The following TSPAN18 variants were observed in gnomAD, a reference collection of about 807,000 sequenced individuals.
TSPAN18 encodes tetraspanin 18, also known as tetraspanin-18.
TSPAN18 carries 14 observed loss-of-function variants against 27.3 expected under a neutral mutation model. The observed-to-expected ratio is 0.51, with a 90% CI of 0.34 to 0.80. TSPAN18 has a LOEUF of 0.80. Among genes scored for constraint, TSPAN18 ranks in the 30% least tolerant of loss-of-function variants. The pLI is 0.01. For missense variants in TSPAN18, 268 were observed against 323.9 expected, an observed-to-expected ratio of 0.83 and a Z score of 1.32; for synonymous variants, 143 against 136.5, an observed-to-expected ratio of 1.05 and a Z score of -0.33.
At chr11:44,754,195 G>C (rs1240931018) in intron 1 of TSPAN18, among the ~76,000 whole-genome samples, 1 of 152,172 alleles carries the variant, frequency 6.6e-6, no homozygotes, top group African/African-American at 2.4e-5. Flanking sequence ...GACTTGAGCA[G>C]GGAAGCATTA....
chr11:44,794,161 G>A (rs1020377100), intron 2 of TSPAN18, among the ~76,000 whole-genome samples: 1 of 152,194 alleles, frequency 6.6e-6, no homozygotes, highest in Non-Finnish European at 1.5e-5. Flanking sequence ...TGGACGCTTG[G>A]CAAGAGGAAG....
rs546497910 is a variant in TSPAN18 at position 44,759,063 on chromosome 11, C to T, written c.-239-5363C>T. On this transcript the variant is annotated intron_variant, in intron 1 of 9. Transcript: ENST00000520358. ...CCCCCAAAATGGCATCTTTGCAGGG[C>T]TTCCATCAGCAGCTGTCCTTCTGCT... is the stretch of plus-strand genomic sequence containing the variant. 2.0e-5 allele frequency among the ~76,000 whole-genome samples: 3 copies of T among 152,358 alleles called. No homozygotes were observed. The East Asian group carries it at 5.8e-4, about 29-fold the overall frequency.
chr11:44,796,497 A>G (rs1482980383), intron 2 of TSPAN18, among the ~76,000 whole-genome samples: 3 of 152,160 alleles, frequency 2.0e-5, no homozygotes, highest in African/African-American at 4.8e-5. Context: ...TGGTGGAGTC[A>G]TCGTCCCTGT....
At chr11:44,823,521 AG>A (rs1856972707) in intron 2 of TSPAN18, among the ~76,000 whole-genome samples, 1 of 152,188 alleles carries the variant, frequency 6.6e-6, no homozygotes, top group African/African-American at 2.4e-5. Context: ...CACCACTCAA[AG>A]GTGGGCACAA....
chr11:44,865,973 C>T (rs919999815), intron 3 of TSPAN18, among the ~76,000 whole-genome samples: 29 of 152,378 alleles, frequency 1.9e-4, no homozygotes, highest in African/African-American at 7.0e-4. Context: ...GAGTGCCAGC[C>T]TCACAAACAA....
chr11:44,760,270 A>G (rs1167841727), intron 1 of TSPAN18, among the ~76,000 whole-genome samples: 1 of 152,224 alleles, frequency 6.6e-6, no homozygotes, highest in Non-Finnish European at 1.5e-5. Context: ...AGAGCGGGGA[A>G]CAAAGGCTGC....
At chr11:44,789,043 G>A (rs1856129037) in intron 2 of TSPAN18, among the ~76,000 whole-genome samples, 1 of 152,184 alleles carries the variant, frequency 6.6e-6, no homozygotes, top group African/African-American at 2.4e-5. Context: ...ACAGGAAAAG[G>A]AACAGCAAGG....
At chr11:44,878,304 G>A (rs1196155548) in intron 3 of TSPAN18, among the ~76,000 whole-genome samples, 1 of 152,146 alleles carries the variant, frequency 6.6e-6, no homozygotes, top group Non-Finnish European at 1.5e-5. Context: ...GAGGGGCGCC[G>A]CCCCAGGAGG....
intron 1 of TSPAN18, chr11:44,736,603 C>T (rs1854800819): frequency 6.6e-6 from 1 of 152,200 alleles, no homozygotes; most frequent in Non-Finnish European, 1.5e-5. Context: ...CAGTAGATGA[C>T]TCTCAGCTCC....
At chr11:44,911,953 C>T (rs1214514277) in intron 5 of TSPAN18, among the ~76,000 whole-genome samples, 1 of 147,764 alleles carries the variant, frequency 6.8e-6, no homozygotes, top group Non-Finnish European at 1.5e-5. Flanking sequence ...CGCCTCTCTC[C>T]CTTTGTCCCC....
chr11:44,756,955 C>T (rs1468161226), intron 1 of TSPAN18, among the ~76,000 whole-genome samples: 1 of 152,198 alleles, frequency 6.6e-6, no homozygotes, highest in African/African-American at 2.4e-5. Context: ...AGCTTTTGGT[C>T]TTTCACCATT....
intron 1 of TSPAN18, among the ~76,000 whole-genome samples, chr11:44,732,460 C>T (rs1358221554): frequency 6.6e-6 from 1 of 152,090 alleles, no homozygotes; most frequent in African/African-American, 2.4e-5. Flanking sequence ...TGTGCTAAAC[C>T]ACTGTGTTAT....
At chr11:44,793,221 G>A (rs996305001) in intron 2 of TSPAN18, among the ~76,000 whole-genome samples, 2 of 152,200 alleles carry the variant, frequency 1.3e-5, no homozygotes, top group Non-Finnish European at 2.9e-5. Flanking sequence ...CCACATTGTG[G>A]CAAGGGAGCT....
chr11:44,927,376 C>T (rs951016005), intron 9 of TSPAN18, among the ~76,000 whole-genome samples: 2 of 152,192 alleles, frequency 1.3e-5, no homozygotes, highest in African/African-American at 4.8e-5. Flanking sequence ...CTGGACAGAG[C>T]GTTGCCCACA....
At chr11:44,827,597 C>T (rs979130751) in intron 2 of TSPAN18, among the ~76,000 whole-genome samples, 61 of 152,222 alleles carry the variant, frequency 4.0e-4, no homozygotes, top group African/African-American at 1.4e-3. Context: ...AGGGACCTGG[C>T]TGGAATAAAG....
chr11:44,746,882 C>T (rs1266057633), intron 1 of TSPAN18, among the ~76,000 whole-genome samples: 3 of 152,246 alleles, frequency 2.0e-5, no homozygotes, highest in Admixed American at 6.5e-5. Flanking sequence ...GGTGCTACCC[C>T]TTGTGCCTAT....
At chr11:44,871,055 G>A (rs991359344) in intron 3 of TSPAN18, among the ~76,000 whole-genome samples, 2 of 152,172 alleles carry the variant, frequency 1.3e-5, no homozygotes, top group African/African-American at 4.8e-5. Context: ...AGAGCTTGTA[G>A]GGAAGAGTTT....
chr11:44,884,910 A>G (rs1470930531), intron 3 of TSPAN18, among the ~76,000 whole-genome samples: 1 of 152,166 alleles, frequency 6.6e-6, no homozygotes, highest in African/African-American at 2.4e-5. Flanking sequence ...CATTAGCCCA[A>G]AGTCACTCCC....
chr11:44,882,577 C>CAGAGAG (rs748710490), intron 3 of TSPAN18, among the ~76,000 whole-genome samples: 3 of 135,000 alleles, frequency 2.2e-5, no homozygotes, highest in Non-Finnish European at 4.8e-5. Context: ...AGGAAATGGT[C>CAGAGAG]AGAGAGAGAG....
Sources: allele counts gnomAD v4.1 joint callset (sites outside exome capture counted in the v4.1 genomes callset), GRCh38; gene constraint gnomAD v4.1.1; transcripts MANE v1.5; gene names NCBI Gene and HGNC (gene_info 2026-07-23, HGNC 2026-07-21).